PLEKHJ1: variants seen among roughly 807,000 people sequenced by gnomAD.
The protein encoded by PLEKHJ1 is pleckstrin homology domain containing J1.
PLEKHJ1 carries 20 observed loss-of-function variants against 21.7 expected under a neutral mutation model. The ratio of observed to expected loss-of-function variants is 0.92; its 90% CI spans 0.65 to 1.34. The LOEUF is 1.34. Ranked by LOEUF, PLEKHJ1 falls within the 40% of genes most tolerant of loss-of-function variation. The pLI, the probability that PLEKHJ1 is intolerant of heterozygous loss-of-function variation, is 0.00. For missense variants in PLEKHJ1, 241 were observed against 202.0 expected, an observed-to-expected ratio of 1.19 and a Z score of -1.17; for synonymous variants, 113 against 80.6, an observed-to-expected ratio of 1.40 and a Z score of -2.15.
intron 3 of PLEKHJ1, chr19:2,235,517 C>T (rs755384454): frequency 1.5e-5 from 8 of 546,366 alleles, no homozygotes; most frequent in Non-Finnish European, 2.6e-5. Flanking sequence ...CCTGGGCCCA[C>T]AGGGAACAAA....
At chr19:2,236,035 G>C in intron 1 of PLEKHJ1, 45 bp from the exon 2 acceptor site, 1 of 1,538,824 alleles carries the variant, frequency 6.5e-7, no homozygotes, top group Non-Finnish European at 8.7e-7. Flanking sequence ...GCCCCCGCCC[G>C]GACCCCGGCC....
In PLEKHJ1 at chr19:2,236,003, C is replaced by A. The variant is rs538905761; in HGVS notation, c.95-13G>T. 6.2e-7 allele frequency: 1 copy of A among 1,602,374 alleles called. No homozygotes were observed. The highest frequency in any genetic ancestry group is 1.7e-5 in the Admixed American group (1 of 59,286). On this transcript the variant is annotated splice_polypyrimidine_tract_variant and intron_variant, in intron 1 of 5. Transcript: ENST00000326631. ...CGCCGCTTCAGCACTGCGGGCACAGCGCGCACTCAGGGGCGCAGGCAGCCC... is the reference window on the plus strand; with the variant it reads ...CGCCGCTTCAGCACTGCGGGCACAGAGCGCACTCAGGGGCGCAGGCAGCCC...
downstream of PLEKHJ1, chr19:2,230,224 C>T (rs775718961): frequency 8.9e-5 from 37 of 413,688 alleles, no homozygotes; most frequent in Admixed American, 5.9e-4. Context: ...ACGCTGACAA[C>T]GCCGAACCCC....
Position 2,235,757 on chromosome 19 carries a change from C to T in PLEKHJ1, c.229+5G>A. 4 of 1,548,392 alleles carry T rather than the reference C, an allele frequency of 2.6e-6. No individual in the cohort carries two copies. The highest frequency in any genetic ancestry group is 3.5e-6 in the Non-Finnish European group (4 of 1,146,294). On this transcript the variant is annotated splice_donor_5th_base_variant and intron_variant, in intron 3 of 5. Transcript: ENST00000326631. ...AGCGCCGCTGGCTTCCCTAGCCCCA[C>T]TCACTGATGGAGAAGGTGCCGGGCT...
downstream of PLEKHJ1, chr19:2,231,838 GC>G (rs1599639011): frequency 9.1e-6 from 2 of 219,802 alleles, no homozygotes; most frequent in East Asian, 1.3e-4. Context: ...CCTGCAGATG[GC>G]CATGCAGGGC....
intron 3 of PLEKHJ1, chr19:2,235,524 C>T (rs2024774248): frequency 5.4e-6 from 3 of 556,482 alleles, no homozygotes; most frequent in Admixed American, 3.2e-5. Flanking sequence ...CCACAGGGAA[C>T]AAAGAGCAGA....
At chr19:2,232,552 G>T, downstream of PLEKHJ1, 1 of 210,812 alleles carries the variant, frequency 4.7e-6, no homozygotes, top group Admixed American at 5.9e-5. Context: ...TCTAGACGCT[G>T]TAATAAACAG....
At chr19:2,234,401 G>A (rs973448339) in intron 3 of PLEKHJ1, 161 bp from the exon 4 acceptor site, 3 of 596,000 alleles carry the variant, frequency 5.0e-6, no homozygotes, top group African/African-American at 3.7e-5. Context: ...CAGGGTCTTT[G>A]CATATAAACT....
downstream of PLEKHJ1, among the ~76,000 whole-genome samples, chr19:2,232,955 C>CA (rs139035569): frequency 8.5e-3 from 1,289 of 152,320 alleles, 10 homozygotes; most frequent in Middle Eastern, 0.014. Context: ...CAGGTCACCA[C>CA]AGGATTCCTG....
rs1341346987 is a variant in PLEKHJ1 at position 2,235,927 on chromosome 19, G to C, written c.158C>G (p.Ala53Gly). ...NFLFYFRTDE[A>G]EPVGALLLER... is the part of the protein sequence containing the mutation. ...GCGCGCCCGGGACGCCCCTACCTCGGCCTCGTCTGTCCGAAAGTAGAAGAG... is the reference window on the plus strand; with the variant it reads ...GCGCGCCCGGGACGCCCCTACCTCGCCCTCGTCTGTCCGAAAGTAGAAGAG... The change falls in exon 2 of 6, where the codon GCC (alanine) becomes GGC (glycine). Residue 53 changes from alanine to glycine, a missense_variant. Coordinates refer to ENST00000326631, the MANE Select transcript of PLEKHJ1 (RefSeq NM_018049.3). The C allele has an allele frequency of 6.2e-7, 1 of 1,609,744 alleles. No homozygotes were observed. Among genetic ancestry groups the C allele is most frequent in the Non-Finnish European group, 8.5e-7 (1 of 1,178,724 alleles).
rs754215990 is a variant in PLEKHJ1 at position 2,235,893 on chromosome 19, G to A, written c.162+30C>T. 6.2e-6 allele frequency: 10 copies of A among 1,602,350 alleles called. No individual in the cohort carries two copies. The African/African-American group carries it at 1.3e-4, about 21-fold the overall frequency. ...CCGGCCTCCGAGGGGCCCAGCCTGGGACCCGCCCGCGCGCCCGGGACGCCC... is the reference window on the plus strand; with the variant it reads ...CCGGCCTCCGAGGGGCCCAGCCTGGAACCCGCCCGCGCGCCCGGGACGCCC... On this transcript the variant is annotated intron_variant, in intron 2 of 5. Coordinates refer to ENST00000326631, the MANE Select transcript of PLEKHJ1 (RefSeq NM_018049.3).
At chr19:2,234,093 C>T in intron 4 of PLEKHJ1, 32 bp from the exon 5 acceptor site, 1 of 1,613,224 alleles carries the variant, frequency 6.2e-7, no homozygotes, top group Non-Finnish European at 8.5e-7. Context: ...GGTCAAATGC[C>T]CGCTCTGCAT....
At chr19:2,230,781 A>C, downstream of PLEKHJ1, 9 of 384,388 alleles carry the variant, frequency 2.3e-5, no homozygotes, top group Admixed American at 4.5e-5. Context: ...AGTGCACAAA[A>C]TGGCCCCAGC....
downstream of PLEKHJ1, chr19:2,230,109 A>C (rs559261408): frequency 7.3e-5 from 39 of 537,462 alleles, no homozygotes; most frequent in South Asian, 9.8e-4. Context: ...CTATATAAAG[A>C]CACGTGTCTG....
chr19:2,230,418 C>G (rs2024548496), downstream of PLEKHJ1: 4 of 400,324 alleles, frequency 1.0e-5, no homozygotes, highest in Non-Finnish European at 1.8e-5. Flanking sequence ...TGTTCACCCT[C>G]CGGGGCGTGG....
At chr19:2,235,421 C>T in intron 3 of PLEKHJ1, 1 of 283,094 alleles carries the variant, frequency 3.5e-6, no homozygotes. Flanking sequence ...CAGCCCGGGG[C>T]CATATAACAA....
In PLEKHJ1 at chr19:2,234,066, G is replaced by A. The variant is rs375508142; in HGVS notation, c.321-5C>T. The A allele has an allele frequency of 8.1e-5, 131 of 1,613,444 alleles. No individual in the cohort carries two copies. The highest frequency in any genetic ancestry group is 1.0e-4 in the Non-Finnish European group (122 of 1,180,024). ...CTTCTCCGCATGAACTCGTAGCTGG[G>A]GAAAAGGGTGGCACGGGGTCAAATG... is the stretch of plus-strand genomic sequence containing the variant. On this transcript the variant is annotated splice_polypyrimidine_tract_variant and splice_region_variant and intron_variant, in intron 4 of 5. Transcript: ENST00000326631.
chr19:2,230,601 C>T (rs2144968767), downstream of PLEKHJ1: 2 of 398,580 alleles, frequency 5.0e-6, no homozygotes, highest in South Asian at 1.3e-4. Context: ...TGTCGTGGGT[C>T]CCTTGGTGTT....
downstream of PLEKHJ1, chr19:2,231,733 C>CG: frequency 4.7e-6 from 1 of 213,346 alleles, no homozygotes; most frequent in South Asian, 1.9e-4. Flanking sequence ...CAGAGACGGC[C>CG]GAGTCCCTGG....
Sources: gnomAD v4.1 joint callset for allele counts (sites outside exome capture counted in the v4.1 genomes callset) on GRCh38, gnomAD v4.1.1 for gene constraint, MANE v1.5 for transcripts, NCBI Gene and HGNC (gene_info 2026-07-23, HGNC 2026-07-21) for gene names.